The following MYO3B variants were observed in gnomAD, a reference collection of about 807,000 sequenced individuals.
MYO3B encodes myosin IIIB.
A neutral mutation model predicts 174.6 loss-of-function variants in MYO3B; 156 were observed. The observed-to-expected ratio is 0.89, with a 90% CI of 0.78 to 1.02. The LOEUF is 1.02. MYO3B is among the 50% of genes least tolerant of loss of function. MYO3B has a pLI of 0.00. For synonymous variants in MYO3B, 563 were observed against 569.1 expected (o/e 0.99, Z 0.15); for missense variants, 1,632 against 1,639.4 (o/e 1.00, Z 0.08).
rs1310996300 is a variant in MYO3B, at chr2:170,654,796, G to A, written c.*1675G>A. 8.0e-5 allele frequency: 12 copies of A among 150,328 alleles called. No homozygotes were observed. In the Admixed American group the frequency reaches 8.0e-4, roughly 10 times the overall value. The allele number at this position is 150,328 out of a possible 1,614,324, so 9.3% of individuals were successfully genotyped here. A position where few individuals can be genotyped will look rare whatever the true frequency, so the allele number is the denominator to read the frequency against. On this transcript the variant is annotated 3_prime_UTR_variant, in exon 35 of 35. Coordinates refer to ENST00000408978, the MANE Select transcript of MYO3B (RefSeq NM_138995.5). ...TTATGAAGATAAATAATGAAATGAG[G>A]TATTTAAAGATCTCAGAAATTGTAA...
intron 28 of MYO3B, among the ~76,000 whole-genome samples, chr2:170,505,030 G>T (rs1013955314): frequency 2.6e-5 from 4 of 152,042 alleles, no homozygotes; most frequent in African/African-American, 9.7e-5. Flanking sequence ...TGAGCTGGTG[G>T]TCTAGAGATC....
At chr2:170,614,271 AT>A (rs1422645420) in intron 32 of MYO3B, among the ~76,000 whole-genome samples, 2 of 152,162 alleles carry the variant, frequency 1.3e-5, no homozygotes, top group East Asian at 1.9e-4. Flanking sequence ...TTGCTAGAGT[AT>A]TAAGTGAGAT....
rs532025440 is a variant in MYO3B, at chr2:170,534,430, C to G, written c.3576-8476C>G. On this transcript the variant is annotated intron_variant, in intron 30 of 34. Coordinates refer to ENST00000408978, the MANE Select transcript of MYO3B (RefSeq NM_138995.5). ...TTGTTAGTCTGGAGTTCAAATTCAA[C>G]TGGGTGTCCTGTTTTTTTGTTTGTT... is the stretch of plus-strand genomic sequence containing the variant. 9.2e-5 allele frequency among the ~76,000 whole-genome samples: 14 copies of G among 152,276 alleles called. No homozygotes were observed. In the South Asian group the frequency reaches 2.9e-3, roughly 32 times the overall value.
chr2:170,368,430 T>A (rs1055931308), intron 8 of MYO3B, among the ~76,000 whole-genome samples: 2 of 152,210 alleles, frequency 1.3e-5, no homozygotes, highest in African/African-American at 4.8e-5. Context: ...CACTAGAAAT[T>A]TCCCTGTATC....
intron 20 of MYO3B, 22 bp downstream of exon 20, chr2:170,404,422 G>A: frequency 6.3e-7 from 1 of 1,588,808 alleles, no homozygotes; most frequent in Non-Finnish European, 8.5e-7. Context: ...CTGAGAAACA[G>A]GCATATACAT....
At chr2:170,459,443 CAG>C (rs1461153933) in intron 23 of MYO3B, among the ~76,000 whole-genome samples, 1 of 152,204 alleles carries the variant, frequency 6.6e-6, no homozygotes, top group Non-Finnish European at 1.5e-5. Flanking sequence ...TAGCTAGACA[CAG>C]AGCACTGATA....
At chr2:170,593,961 G>A (rs1693982643) in intron 32 of MYO3B, among the ~76,000 whole-genome samples, 1 of 152,154 alleles carries the variant, frequency 6.6e-6, no homozygotes, top group Admixed American at 6.5e-5. Flanking sequence ...CCAACTGTTA[G>A]TGGTGTCAGC....
intron 9 of MYO3B, among the ~76,000 whole-genome samples, chr2:170,371,812 C>T (rs554509226): frequency 4.0e-5 from 6 of 151,810 alleles, no homozygotes; most frequent in African/African-American, 1.2e-4. Flanking sequence ...TGATTAAAAC[C>T]ACTGGCTTGG....
At chr2:170,441,647 G>A (rs1373085646) in intron 22 of MYO3B, among the ~76,000 whole-genome samples, 1 of 152,146 alleles carries the variant, frequency 6.6e-6, no homozygotes, top group Non-Finnish European at 1.5e-5. Flanking sequence ...GGAAAAGGGT[G>A]GTCAATTCCT....
chr2:170,319,828 A>T (rs1334857122), intron 7 of MYO3B, among the ~76,000 whole-genome samples: 1 of 152,214 alleles, frequency 6.6e-6, no homozygotes, highest in East Asian at 1.9e-4. Flanking sequence ...ATTAATGGCT[A>T]ACTTTTCATC....
At chr2:170,574,309 T>C (rs1414053777) in intron 32 of MYO3B, among the ~76,000 whole-genome samples, 2 of 152,138 alleles carry the variant, frequency 1.3e-5, no homozygotes, top group Non-Finnish European at 2.9e-5. Flanking sequence ...CGTTATTTGA[T>C]TTATTGAGAT....
chr2:170,630,770 G>A (rs1023754778), intron 32 of MYO3B, among the ~76,000 whole-genome samples: 1 of 152,210 alleles, frequency 6.6e-6, no homozygotes, highest in Non-Finnish European at 1.5e-5. Flanking sequence ...AACAGGGTCT[G>A]GAGTGGACCT....
At chr2:170,522,985 T>C (rs749493314) in intron 30 of MYO3B, among the ~76,000 whole-genome samples, 18 of 152,190 alleles carry the variant, frequency 1.2e-4, no homozygotes, top group Non-Finnish European at 2.1e-4. Flanking sequence ...AACTAAACAA[T>C]GTACTTGGTG....
At chr2:170,349,126 T>C (rs927375471) in intron 8 of MYO3B, among the ~76,000 whole-genome samples, 5 of 152,154 alleles carry the variant, frequency 3.3e-5, no homozygotes, top group Admixed American at 3.3e-4. Flanking sequence ...TCATGAAGGA[T>C]CTGCCCCTTT....
chr2:170,321,552 T>A (rs2093826545), intron 7 of MYO3B, among the ~76,000 whole-genome samples: 1 of 152,106 alleles, frequency 6.6e-6, no homozygotes. Flanking sequence ...GGGTCCTTTT[T>A]CTAGGAAAAT....
intron 7 of MYO3B, among the ~76,000 whole-genome samples, chr2:170,292,291 T>C (rs2093601552): frequency 6.6e-6 from 1 of 152,222 alleles, no homozygotes; most frequent in South Asian, 2.1e-4. Context: ...TTTAATATCT[T>C]TGTTAAATTT....
At chr2:170,311,433 G>GT (rs2093738667) in intron 7 of MYO3B, among the ~76,000 whole-genome samples, 2 of 151,220 alleles carry the variant, frequency 1.3e-5, no homozygotes. Context: ...GTCTATTCAT[G>GT]TTTTTTGGCC....
intron 25 of MYO3B, among the ~76,000 whole-genome samples, chr2:170,497,289 A>G (rs1035659027): frequency 4.6e-5 from 7 of 152,164 alleles, no homozygotes; most frequent in Non-Finnish European, 8.8e-5. Flanking sequence ...TTTCTCCACA[A>G]TTATCCACTT....
chr2:170,468,268 ACT>A (rs1575028629), intron 25 of MYO3B, among the ~76,000 whole-genome samples: 1 of 152,354 alleles, frequency 6.6e-6, no homozygotes, highest in African/African-American at 2.4e-5. Flanking sequence ...TGTTTTGTAA[ACT>A]CTTAGCAGGA....
Sources: allele counts gnomAD v4.1 joint callset (sites outside exome capture counted in the v4.1 genomes callset), GRCh38; gene constraint gnomAD v4.1.1; transcripts MANE v1.5; gene names NCBI Gene and HGNC (gene_info 2026-07-23, HGNC 2026-07-21).